The following GPHN variants were observed in gnomAD, a reference collection of about 807,000 sequenced individuals.
The protein encoded by GPHN is gephyrin.
A neutral mutation model predicts 95.5 loss-of-function variants in GPHN; 17 were observed. That is an observed-to-expected ratio of 0.18 (90% CI 0.12 to 0.27). The LOEUF is 0.27. Among genes scored for constraint, GPHN ranks in the 10% least tolerant of loss-of-function variants. The pLI is 1.00. For missense variants in GPHN, 660 were observed against 978.1 expected, an observed-to-expected ratio of 0.67 and a Z score of 4.34; for synonymous variants, 320 against 322.5, an observed-to-expected ratio of 0.99 and a Z score of 0.08.
chr14:67,304,462 T>A, the GPHN span, among the ~76,000 whole-genome samples: 1 of 152,200 alleles, frequency 6.6e-6, no homozygotes, highest in African/African-American at 2.4e-5. Flanking sequence ...TTGATAATTT[T>A]AAAAGCCTAC....
intron 3 of GPHN, among the ~76,000 whole-genome samples, chr14:66,780,826 A>G (rs1321924701): frequency 1.3e-5 from 2 of 152,220 alleles, no homozygotes; most frequent in African/African-American, 4.8e-5. Flanking sequence ...AGCTGAAAGA[A>G]ATGTGAAGCA....
chr14:66,613,184 T>C (rs2062857045), intron 1 of GPHN, among the ~76,000 whole-genome samples: 1 of 152,140 alleles, frequency 6.6e-6, no homozygotes, highest in African/African-American at 2.4e-5. Context: ...GATCAACATA[T>C]AATTTTGTTT....
chr14:66,776,343 C>A, intron 2 of GPHN, 121 bp from the exon 3 acceptor site: 1 of 742,784 alleles, frequency 1.3e-6, no homozygotes. Flanking sequence ...GTTTTTCCTC[C>A]ATGGTTGTTG....
At chr14:67,653,686 T>C in the GPHN span, among the ~76,000 whole-genome samples, 1 of 152,212 alleles carries the variant, frequency 6.6e-6, no homozygotes, top group Admixed American at 6.5e-5. Context: ...TTAGTACTCA[T>C]CAAGTAGGCT....
At chr14:67,161,527 C>T (rs1248189162) in intron 19 of GPHN, among the ~76,000 whole-genome samples, 2 of 151,814 alleles carry the variant, frequency 1.3e-5, no homozygotes, top group African/African-American at 4.8e-5. Flanking sequence ...TTTGGGAGGC[C>T]GTGGGGGTGG....
At chr14:67,150,453 C>CAAAAAAAAAA (rs1164806975) in intron 18 of GPHN, among the ~76,000 whole-genome samples, 61 of 98,022 alleles carry the variant, frequency 6.2e-4, no homozygotes, top group South Asian at 1.4e-3. Flanking sequence ...AAAAAAAAAA[C>CAAAAAAAAAA]AAAAAAAAAA....
the GPHN span, among the ~76,000 whole-genome samples, chr14:67,676,159 A>C: frequency 6.6e-6 from 1 of 152,200 alleles, no homozygotes; most frequent in African/African-American, 2.4e-5. Context: ...TCTGTTCTCA[A>C]ATGTTTGCTT....
At chr14:66,760,325 G>C (rs913565749) in intron 2 of GPHN, among the ~76,000 whole-genome samples, 1 of 152,122 alleles carries the variant, frequency 6.6e-6, no homozygotes, top group Non-Finnish European at 1.5e-5. Context: ...ATAATCTTTA[G>C]AGAGCCACAG....
intron 8 of GPHN, among the ~76,000 whole-genome samples, chr14:66,961,900 G>GTATGTATATATATA (rs2068929443): frequency 5.7e-5 from 3 of 52,956 alleles, no homozygotes; most frequent in Non-Finnish European, 1.3e-4. Context: ...CCCTGAATGT[G>GTATGTATATATATA]TATATATATA....
At chr14:67,690,830 C>G in the GPHN span, 12 of 382,446 alleles carry the variant, frequency 3.1e-5, no homozygotes, top group East Asian at 2.1e-4. Context: ...AAAAAAAGAG[C>G]AGATGACCTA....
At chr14:67,648,371 A>C in the GPHN span, 487 of 522,254 alleles carry the variant, frequency 9.3e-4, no homozygotes, top group Non-Finnish European at 1.4e-3. Flanking sequence ...ATGCTTGGAC[A>C]TGGCTCTTAC....
chr14:66,832,813 G>C (rs74940128), intron 4 of GPHN, among the ~76,000 whole-genome samples: 3 of 152,058 alleles, frequency 2.0e-5, no homozygotes, highest in Non-Finnish European at 4.4e-5. Context: ...TATTCAAAGA[G>C]AAAGATTAAA....
intron 16 of GPHN, 105 bp downstream of exon 16, chr14:67,113,276 TAC>T: frequency 9.6e-7 from 1 of 1,038,664 alleles, no homozygotes; most frequent in Non-Finnish European, 1.5e-6. Context: ...TTATAGATCA[TAC>T]CAGTGGATCC....
At chr14:67,197,020 C>T in the GPHN span, 2 of 152,134 alleles carry the variant, frequency 1.3e-5, no homozygotes, top group African/African-American at 4.8e-5. Flanking sequence ...CCTCAACCTC[C>T]CAGGCTCAGG....
intron 18 of GPHN, among the ~76,000 whole-genome samples, chr14:67,148,557 G>GTTTTTTTTTTTTTTTTTTTTTTTT (rs1297273978): frequency 8.0e-6 from 1 of 124,786 alleles, no homozygotes; most frequent in Non-Finnish European, 1.6e-5. Flanking sequence ...GACTTTATTT[G>GTTTTTTTTTTTTTTTTTTTTTTTT]CTTTTTTTTT....
chr14:66,900,102 AC>A, intron 5 of GPHN, among the ~76,000 whole-genome samples: 1 of 152,030 alleles, frequency 6.6e-6, no homozygotes, highest in Non-Finnish European at 1.5e-5. Flanking sequence ...CTGTATTAAT[AC>A]GCCTGTTTCA....
intron 8 of GPHN, among the ~76,000 whole-genome samples, chr14:66,934,405 C>G (rs994476853): frequency 3.3e-5 from 5 of 152,194 alleles, no homozygotes; most frequent in African/African-American, 4.8e-5. Context: ...TTTCCATTCC[C>G]TCTTCCTAGC....
At position 66,776,354 on chromosome 14, in the gene GPHN, G is replaced by A. The variant is rs927759085; in HGVS notation, c.144-110G>A. On this transcript the variant is annotated intron_variant, in intron 2 of 22. Transcript: ENST00000478722. ...GGTTGTTTTTCCTCCATGGTTGTTG[G>A]GGTGAATACTGGGAGTTATTGGTAG... The A allele has an allele frequency of 7.8e-6, 6 of 773,846 alleles. No homozygotes were observed. In the African/African-American group the frequency reaches 8.5e-5, roughly 11 times the overall value. The allele number at this position is 773,846 out of a possible 1,614,324, so 47.9% of individuals were successfully genotyped here.
At chr14:67,552,992 G>A in the GPHN span, among the ~76,000 whole-genome samples, 2 of 152,182 alleles carry the variant, frequency 1.3e-5, no homozygotes, top group African/African-American at 2.4e-5. Flanking sequence ...ATAACAGAGC[G>A]ATTTCTGGTT....
Sources: allele counts gnomAD v4.1 joint callset (sites outside exome capture counted in the v4.1 genomes callset), GRCh38; gene constraint gnomAD v4.1.1; transcripts MANE v1.5; gene names NCBI Gene and HGNC (gene_info 2026-07-23, HGNC 2026-07-21).